GALNT11: variants seen among roughly 807,000 people sequenced by gnomAD.
GALNT11 encodes the protein polypeptide N-acetylgalactosaminyltransferase 11.
A neutral mutation model predicts 72.7 loss-of-function variants in GALNT11; 47 were observed. The observed-to-expected ratio is 0.65, with a 90% CI of 0.51 to 0.82. The LOEUF (loss-of-function observed/expected upper bound fraction) is 0.82, where lower values mean the gene tolerates loss of function less well. GALNT11 is among the 40% of genes least tolerant of loss of function. The pLI is 0.00. For missense variants in GALNT11, 677 were observed against 778.4 expected, an observed-to-expected ratio of 0.87 and a Z score of 1.55; for synonymous variants, 270 against 286.6, an observed-to-expected ratio of 0.94 and a Z score of 0.58.
chr7:152,052,739 C>A (rs1379781009), intron 1 of GALNT11, among the ~76,000 whole-genome samples: 1 of 152,190 alleles, frequency 6.6e-6, no homozygotes, highest in East Asian at 1.9e-4. Flanking sequence ...GTTACTTAAA[C>A]TCTCCTTTGC....
intron 1 of GALNT11, among the ~76,000 whole-genome samples, chr7:152,085,895 G>GTTTTTTGT (rs763263559): frequency 3.6e-5 from 5 of 139,772 alleles, no homozygotes; most frequent in African/African-American, 1.3e-4. Flanking sequence ...TTTGTTTTTT[G>GTTTTTTGT]TTTTTTTTTT....
chr7:152,114,818 C>T (rs887364203), intron 8 of GALNT11, among the ~76,000 whole-genome samples: 10 of 151,898 alleles, frequency 6.6e-5, no homozygotes, highest in African/African-American at 1.5e-4. Flanking sequence ...TGAGCCACCA[C>T]GCCTGGTTGC....
intron 8 of GALNT11, among the ~76,000 whole-genome samples, chr7:152,113,712 C>CTTTTTTTTGTT (rs2088506762): frequency 1.0e-5 from 1 of 96,972 alleles, no homozygotes. Context: ...AGTTGGCTTT[C>CTTTTTTTTGTT]TTTTTTTTTT....
At chr7:152,057,626 G>A (rs1221878620) in intron 1 of GALNT11, among the ~76,000 whole-genome samples, 1 of 151,894 alleles carries the variant, frequency 6.6e-6, no homozygotes, top group Admixed American at 6.6e-5. Flanking sequence ...TGATTTTGGT[G>A]ATGCAAAATA....
chr7:152,091,578 A>T (rs530615758), intron 1 of GALNT11, among the ~76,000 whole-genome samples: 1 of 152,024 alleles, frequency 6.6e-6, no homozygotes, highest in African/African-American at 2.4e-5. Flanking sequence ...GGGTTTCACC[A>T]TGTTGCCCAG....
chr7:152,121,058 G>T, intron 11 of GALNT11, 90 bp downstream of exon 11: 1 of 1,485,582 alleles, frequency 6.7e-7, no homozygotes, highest in South Asian at 1.3e-5. Flanking sequence ...TTTCTACCTT[G>T]GGGGTGGTCT....
At chr7:152,053,456 A>G (rs2083493850) in intron 1 of GALNT11, among the ~76,000 whole-genome samples, 2 of 152,236 alleles carry the variant, frequency 1.3e-5, no homozygotes, top group African/African-American at 2.4e-5. Context: ...GCCAACACTT[A>G]AATCTCAACT....
chr7:152,071,290 G>T (rs1268014685), intron 1 of GALNT11, among the ~76,000 whole-genome samples: 2 of 152,078 alleles, frequency 1.3e-5, no homozygotes, highest in Non-Finnish European at 2.9e-5. Flanking sequence ...ACACCTGGGG[G>T]TGCTGTTTAT....
intron 1 of GALNT11, among the ~76,000 whole-genome samples, chr7:152,035,017 T>C (rs1453730519): frequency 6.6e-6 from 1 of 152,026 alleles, no homozygotes; most frequent in Non-Finnish European, 1.5e-5. Context: ...AAAAATGAAG[T>C]GGAGGGCCAT....
At chr7:152,092,304 G>A (rs1170298849) in intron 1 of GALNT11, among the ~76,000 whole-genome samples, 4 of 151,324 alleles carry the variant, frequency 2.6e-5, no homozygotes, top group Non-Finnish European at 5.9e-5. Context: ...ATTTTTTTTT[G>A]TCTTTTCATT....
At chr7:152,098,267 G>A (rs1414058944) in intron 2 of GALNT11, among the ~76,000 whole-genome samples, 1 of 151,868 alleles carries the variant, frequency 6.6e-6, no homozygotes, top group East Asian at 1.9e-4. Flanking sequence ...GCTTAAGGTG[G>A]TATCTACTGA....
intron 1 of GALNT11, among the ~76,000 whole-genome samples, chr7:152,029,375 C>T (rs1222415313): frequency 6.6e-6 from 1 of 152,082 alleles, no homozygotes; most frequent in Admixed American, 6.5e-5. Context: ...CATTTCTAAC[C>T]CTATAGGTAG....
chr7:152,042,699 T>A (rs2082923908), intron 1 of GALNT11, among the ~76,000 whole-genome samples: 1 of 152,186 alleles, frequency 6.6e-6, no homozygotes. Flanking sequence ...CTTTGAGGGC[T>A]ATATAATTGT....
intron 1 of GALNT11, among the ~76,000 whole-genome samples, chr7:152,066,046 C>T (rs1563054187): frequency 6.6e-6 from 1 of 152,212 alleles, no homozygotes; most frequent in Non-Finnish European, 1.5e-5. Context: ...GAGGTGGAGT[C>T]TACAGAGGCA....
chr7:152,106,438 G>A (rs1026932303), intron 5 of GALNT11, among the ~76,000 whole-genome samples: 2 of 152,026 alleles, frequency 1.3e-5, no homozygotes, highest in African/African-American at 2.4e-5. Flanking sequence ...ACAGTGACCT[G>A]AAGCAATTAA....
intron 1 of GALNT11, among the ~76,000 whole-genome samples, chr7:152,062,053 A>T (rs2084047383): frequency 1.3e-5 from 2 of 152,146 alleles, no homozygotes; most frequent in Non-Finnish European, 2.9e-5. Context: ...TGAATCTATA[A>T]TTATCTTGGG....
In GALNT11 at chr7:152,113,411, T is replaced by C. The variant is rs367958175; in HGVS notation, c.1233+13T>C. On this transcript the variant is annotated intron_variant, in intron 8 of 11. Transcript: ENST00000430044. ...GGATGAATACAAGGTGAGATGAAAT[T>C]TCTTGTTTAGAAGGATGAATGATAG... The C allele has an allele frequency of 6.2e-5, 100 of 1,612,454 alleles. No homozygotes were observed. The South Asian group carries it at 1.0e-3, about 16-fold the overall frequency.
At chr7:152,093,671 C>T (rs558198782) in intron 1 of GALNT11, among the ~76,000 whole-genome samples, 18 of 152,118 alleles carry the variant, frequency 1.2e-4, no homozygotes, top group Admixed American at 3.3e-4. Context: ...TCAAATGATC[C>T]GCCCACCTCA....
At chr7:152,113,488 G>A (rs997622222) in intron 8 of GALNT11, 90 bp downstream of exon 8, 4 of 1,454,966 alleles carry the variant, frequency 2.7e-6, no homozygotes, top group Non-Finnish European at 3.7e-6. Flanking sequence ...TTTCACTCTG[G>A]CATATTTCTC....
Sources: allele counts gnomAD v4.1 joint callset (sites outside exome capture counted in the v4.1 genomes callset), GRCh38; gene constraint gnomAD v4.1.1; transcripts MANE v1.5; gene names NCBI Gene and HGNC (gene_info 2026-07-23, HGNC 2026-07-21).